The following FBXL19 variants were observed in gnomAD, a reference collection of about 807,000 sequenced individuals.
The protein encoded by FBXL19 is F-box/LRR-repeat protein 19.
Under a neutral mutation model 71.2 loss-of-function variants are expected in FBXL19, and 16 were observed. The observed-to-expected ratio is 0.22, with a 90% CI of 0.15 to 0.34. FBXL19 has a LOEUF of 0.34. Ranked by LOEUF, FBXL19 falls within the 10% of genes least tolerant of loss-of-function variation. FBXL19 has a pLI of 1.00. For synonymous variants in FBXL19, 447 were observed against 409.4 expected, an observed-to-expected ratio of 1.09 and a Z score of -1.11; for missense variants, 658 against 968.2, an observed-to-expected ratio of 0.68 and a Z score of 4.25.
At chr16:30,923,001 C>T (rs532001310), upstream of FBXL19, 7 of 456,088 alleles carry the variant, frequency 1.5e-5, no homozygotes, top group Non-Finnish European at 2.6e-5. Flanking sequence ...AACTACTAAT[C>T]CCATCGCACC....
Position 30,927,598 on chromosome 16 carries a change from A to G in FBXL19, c.347A>G (p.Asn116Ser), listed in dbSNP as rs1298526483. ...LKMGKAEGVI[N>S]AEIPNCWECP... ...ATGGGGAAGGCTGAGGGTGTCATCA[A>G]TGCAGAGATCCCCAACTGCTGGGAG... Residue 116 changes from asparagine to serine, a missense_variant, in exon 4 of 11, where the codon AAT (asparagine) becomes AGT (serine). Physicochemically the swap from Asn to Ser is conservative, Grantham distance 46 (BLOSUM62 1). Transcript: ENST00000338343. 3 of 1,561,484 alleles carry G rather than the reference A, an allele frequency of 1.9e-6. No individual in the cohort carries two copies. Among genetic ancestry groups the G allele is most frequent in the Non-Finnish European group, 2.6e-6 (3 of 1,152,864 alleles).
At chr16:30,932,289 C>T (rs2055683720) in intron 7 of FBXL19, among the ~76,000 whole-genome samples, 2 of 152,128 alleles carry the variant, frequency 1.3e-5, no homozygotes, top group Middle Eastern at 6.8e-3. Flanking sequence ...GATCTGTGCC[C>T]TTGAAGAGCA....
intron 7 of FBXL19, among the ~76,000 whole-genome samples, chr16:30,931,133 C>G (rs2055668753): frequency 6.6e-6 from 1 of 152,262 alleles, no homozygotes; most frequent in Non-Finnish European, 1.5e-5. Context: ...GGAGCCACCA[C>G]TAATGCCCTC....
At chr16:30,922,900 G>T (rs2055538487), upstream of FBXL19, 1 of 384,462 alleles carries the variant, frequency 2.6e-6, no homozygotes, top group Non-Finnish European at 5.3e-6. Context: ...GGAAAGCGGA[G>T]ACCGGGAGAG....
chr16:30,935,262 T>G (rs1483580194), intron 7 of FBXL19, among the ~76,000 whole-genome samples: 1 of 152,058 alleles, frequency 6.6e-6, no homozygotes, highest in Non-Finnish European at 1.5e-5. Context: ...TGGCGGACAG[T>G]GGGCAGTGAG....
chr16:30,932,926 C>T (rs1417528440), intron 7 of FBXL19, among the ~76,000 whole-genome samples: 2 of 150,824 alleles, frequency 1.3e-5, no homozygotes, highest in African/African-American at 2.4e-5. Context: ...CTGCAACCTC[C>T]ACCTTCCACG....
At chr16:30,940,881 G>A (rs1329068151) in intron 7 of FBXL19, among the ~76,000 whole-genome samples, 2 of 151,980 alleles carry the variant, frequency 1.3e-5, no homozygotes, top group Admixed American at 6.6e-5. Flanking sequence ...AGAACAGCCA[G>A]GCTGTTCTCG....
chr16:30,932,041 A>G (rs1056277994), intron 7 of FBXL19, among the ~76,000 whole-genome samples: 2 of 151,954 alleles, frequency 1.3e-5, no homozygotes, highest in African/African-American at 4.8e-5. Context: ...GGTTATGGTT[A>G]TAGCTGAAGA....
chr16:30,931,846 C>T (rs1317926635), intron 7 of FBXL19, among the ~76,000 whole-genome samples: 1 of 151,914 alleles, frequency 6.6e-6, no homozygotes, highest in Non-Finnish European at 1.5e-5. Flanking sequence ...CCTGCCTCGG[C>T]CTCCTGAGTA....
chr16:30,928,723 C>G, intron 6 of FBXL19, 95 bp downstream of exon 6: 1 of 1,197,676 alleles, frequency 8.3e-7, no homozygotes, highest in South Asian at 2.3e-5. Context: ...TCACCTTGTT[C>G]TGCCCCAGCC....
Position 30,925,962 on chromosome 16 carries a change from C to T in FBXL19, c.177+31C>T. The T allele has an allele frequency of 6.9e-7, 1 of 1,458,850 alleles. No individual in the cohort carries two copies. The highest frequency in any genetic ancestry group is 9.0e-7 in the Non-Finnish European group (1 of 1,109,110). The allele number at this position is 1,458,850 out of a possible 1,614,324, so 90.4% of individuals were successfully genotyped here. A position where few individuals can be genotyped will look rare whatever the true frequency, so the allele number is the denominator to read the frequency against. On this transcript the variant is annotated intron_variant, in intron 2 of 10. Coordinates refer to ENST00000338343, the MANE Select transcript of FBXL19 (RefSeq NM_001382779.1). This position sits in a 1 kb window ranked among gnomAD's most constrained non-coding sequence, Gnocchi z 5.0. ...TTCTGCCCCCACCTTTGGGCTCTGC[C>T]CACCCTTCCCAATACCTTCTTGGAA...
chr16:30,927,430 C>A lies in FBXL19; in HGVS notation c.300C>A (p.Ile100=). 6.3e-7 allele frequency: 1 copy of A among 1,591,582 alleles called. No homozygotes were observed. Among genetic ancestry groups the A allele is most frequent in the East Asian group, 2.3e-5 (1 of 43,908 alleles). ...SLMECTICNE[I]VHPGCLKMGK... ...TGGAGTGTACAATCTGCAACGAGAT[C>A]GTCCACCCCGGCTGCCTGAAGGTGA... is the stretch of plus-strand genomic sequence containing the variant. Residue 100 remains isoleucine (I), a synonymous_variant, in exon 3 of 11, where the codon ATC becomes ATA. Coordinates refer to ENST00000338343, the MANE Select transcript of FBXL19 (RefSeq NM_001382779.1).
In FBXL19 at chr16:30,947,734, CAGAGGT is replaced by C; in HGVS notation, c.*507_*512del. 2.8e-6 allele frequency: 1 copy of C among 362,740 alleles called. No homozygotes were observed. The highest frequency in any genetic ancestry group is 2.0e-5 in the South Asian group (1 of 51,136). 22.5% of individuals were successfully genotyped at this position (362,740 alleles called of 1,614,324 possible). A position where few individuals can be genotyped will look rare whatever the true frequency, so the allele number is the denominator to read the frequency against. The stretch of plus-strand genomic sequence containing the variant: ...GAGGAGCAATTGGGGATCCAGGTGT[CAGAGGT>C]AGGGGAACCAGGGGCAAGCTGGGGC... On this transcript the variant is annotated 3_prime_UTR_variant, in exon 11 of 11. Transcript: ENST00000338343.
chr16:30,928,344 A>G (rs553446194), intron 5 of FBXL19, 123 bp from the exon 6 acceptor site: 2 of 1,066,636 alleles, frequency 1.9e-6, no homozygotes, highest in South Asian at 3.6e-5. Flanking sequence ...GCTCAGAGTT[A>G]TCCCTGGGAC....
At position 30,925,906 on chromosome 16, in the gene FBXL19, C is replaced by T. The variant is rs1189512553; in HGVS notation, c.152C>T (p.Ser51Leu). The T allele has an allele frequency of 6.7e-7, 1 of 1,495,636 alleles. No homozygotes were observed. Among genetic ancestry groups the T allele is most frequent in the Non-Finnish European group, 8.9e-7 (1 of 1,127,392 alleles). 92.6% of individuals were successfully genotyped at this position (1,495,636 alleles called of 1,614,324 possible). The change falls in exon 2 of 11, where the codon TCG (serine) becomes TTG (leucine). Residue 51 changes from serine (S) to leucine (L), a missense_variant. Physicochemically the swap from Ser to Leu is moderately radical, Grantham distance 145 (BLOSUM62 -2). This residue lies in a region of FBXL19 where 33 missense variants were observed against 75.4 expected (regional missense o/e 0.44). Transcript: ENST00000338343. The surrounding 1 kb of genome is among the most constrained non-coding windows in gnomAD (Gnocchi z 5.0). ...GGGGGGCCCGGGCGCATGAAGCAGT[C>T]GTGCCTGCTCCGGCAGTGCACTGCC... ...KFGGPGRMKQ[S>L]CLLRQCTAPV...
chr16:30,927,232 C>T, intron 2 of FBXL19, 76 bp from the exon 3 acceptor site: 1 of 1,445,014 alleles, frequency 6.9e-7, no homozygotes, highest in Non-Finnish European at 9.2e-7. Flanking sequence ...CGTCACCTGG[C>T]CAGGGTCCCT....
Position 30,930,635 on chromosome 16 carries a change from G to T in FBXL19, c.1301+51G>T. 1 of 1,401,642 alleles carries T rather than the reference G, an allele frequency of 7.1e-7. No homozygotes were observed. The highest frequency in any genetic ancestry group is 9.2e-7 in the Non-Finnish European group (1 of 1,084,382). 86.8% of individuals were successfully genotyped at this position (1,401,642 alleles called of 1,614,324 possible). On this transcript the variant is annotated intron_variant, in intron 7 of 10. Coordinates refer to ENST00000338343, the MANE Select transcript of FBXL19 (RefSeq NM_001382779.1). This position sits in a 1 kb window ranked among gnomAD's most constrained non-coding sequence, Gnocchi z 8.5. ...TCCGTGGCCAGCAGGCTTCCCGCTT[G>T]CTGGGTGACCTGCGGTAGGTCTCTG...
chr16:30,942,298 A>T lies in FBXL19; in HGVS notation c.1465+19A>T. ...CTACAAGGTAGGGTGTGTGGTACGG[A>T]GGACAGGGTGGGGACAGGGACAGGC... On this transcript the variant is annotated intron_variant, in intron 8 of 10. Coordinates refer to ENST00000338343, the MANE Select transcript of FBXL19 (RefSeq NM_001382779.1). This position sits in a 1 kb window ranked among gnomAD's most constrained non-coding sequence, Gnocchi z 5.7. 2 of 1,598,138 alleles carry T rather than the reference A, an allele frequency of 1.3e-6. No individual in the cohort carries two copies. Among genetic ancestry groups the T allele is most frequent in the Non-Finnish European group, 1.7e-6 (2 of 1,170,784 alleles).
In FBXL19 at chr16:30,938,014, G is replaced by A. The variant is rs575547370; in HGVS notation, c.1302-4102G>A. ...AGGACCTAGGGGTAGAAGCTGGGTC[G>A]GGCATGAGTTGGTTTTTTTCCTTTT... On this transcript the variant is annotated intron_variant, in intron 7 of 10. Transcript: ENST00000338343. Among the ~76,000 whole-genome samples, 13 of 152,214 alleles carry A rather than the reference G, an allele frequency of 8.5e-5. No individual in the cohort carries two copies. In the East Asian group the frequency reaches 2.3e-3, roughly 27 times the overall value.
Sources: gnomAD v4.1 joint callset for allele counts (sites outside exome capture counted in the v4.1 genomes callset) on GRCh38, gnomAD v4.1.1 for gene constraint, gnomAD v4.1.1 regional missense constraint, Gnocchi (gnomAD v3.1) non-coding constraint, MANE v1.5 for transcripts, NCBI Gene and HGNC (gene_info 2026-07-23, HGNC 2026-07-21) for gene names.